The following CYSLTR2 variants were observed in gnomAD, a reference collection of about 807,000 sequenced individuals.
The protein encoded by CYSLTR2 is G-protein coupled receptor GPCR21.
For synonymous variants in CYSLTR2, 179 were observed against 160.8 expected, an observed-to-expected ratio of 1.11 and a Z score of -0.86; for missense variants, 398 against 411.9, an observed-to-expected ratio of 0.97 and a Z score of 0.29.
At chr13:48,663,393 G>C (rs1953179055) in intron 1 of CYSLTR2, among the ~76,000 whole-genome samples, 1 of 152,102 alleles carries the variant, frequency 6.6e-6, no homozygotes, top group African/African-American at 2.4e-5. Context: ...TGGGTATTTT[G>C]ATAGGAATTG....
At chr13:48,673,554 A>G (rs984264168) in intron 1 of CYSLTR2, among the ~76,000 whole-genome samples, 1 of 146,834 alleles carries the variant, frequency 6.8e-6, no homozygotes, top group South Asian at 2.2e-4. Flanking sequence ...ACAGCACCCC[A>G]ATGGGTCTTG....
chr13:48,659,534 G>A (rs1953077859), intron 1 of CYSLTR2, among the ~76,000 whole-genome samples: 1 of 152,200 alleles, frequency 6.6e-6, no homozygotes. Flanking sequence ...AATGGAATAT[G>A]AAATGCTGTC....
At chr13:48,700,263 A>G (rs1954304431) in intron 4 of CYSLTR2, among the ~76,000 whole-genome samples, 2 of 152,244 alleles carry the variant, frequency 1.3e-5, no homozygotes, top group South Asian at 4.1e-4. Flanking sequence ...TGATGCAAAA[A>G]TCCTAAATAA....
chr13:48,680,800 C>CTTTTTTTTTTTTTTTTTTTTTT (rs139896583), intron 1 of CYSLTR2, among the ~76,000 whole-genome samples: 10 of 55,046 alleles, frequency 1.8e-4, no homozygotes, highest in Non-Finnish European at 2.1e-4. Flanking sequence ...CTTTTCTTTT[C>CTTTTTTTTTTTTTTTTTTTTTT]TTTTTTTTTT....
At chr13:48,678,816 C>G (rs1953670726) in intron 1 of CYSLTR2, among the ~76,000 whole-genome samples, 1 of 152,128 alleles carries the variant, frequency 6.6e-6, no homozygotes, top group Middle Eastern at 3.2e-3. Context: ...AGTCCATCCA[C>G]AGTCTGGTCA....
intron 3 of CYSLTR2, among the ~76,000 whole-genome samples, chr13:48,695,231 C>T (rs751035901): frequency 1.3e-4 from 20 of 151,554 alleles, no homozygotes; most frequent in African/African-American, 2.4e-4. Context: ...TGCGCCACCA[C>T]GCCCAGCTAA....
intron 1 of CYSLTR2, among the ~76,000 whole-genome samples, chr13:48,671,582 T>A (rs1378311839): frequency 1.3e-5 from 2 of 152,232 alleles, no homozygotes; most frequent in Admixed American, 6.5e-5. Flanking sequence ...ATTATGTTTA[T>A]TGATTTGCGT....
chr13:48,680,795 C>CTT (rs1268529678), intron 1 of CYSLTR2, among the ~76,000 whole-genome samples: 103 of 110,604 alleles, frequency 9.3e-4, no homozygotes, highest in African/African-American at 4.0e-3. Flanking sequence ...CTTTTCTTTT[C>CTT]TTTTCTTTTT....
chr13:48,690,859 T>C (rs1247819460), intron 1 of CYSLTR2, among the ~76,000 whole-genome samples: 1 of 152,004 alleles, frequency 6.6e-6, no homozygotes, highest in African/African-American at 2.4e-5. Context: ...CTCTGGTAGA[T>C]ATCGGCTGTG....
chr13:48,681,060 A>G (rs903542718), intron 1 of CYSLTR2, among the ~76,000 whole-genome samples: 1 of 152,008 alleles, frequency 6.6e-6, no homozygotes. Flanking sequence ...CTCAGTATCA[A>G]TGCCTCTGGC....
chr13:48,700,593 T>C (rs1954314646), intron 4 of CYSLTR2, among the ~76,000 whole-genome samples: 1 of 152,176 alleles, frequency 6.6e-6, no homozygotes, highest in Admixed American at 6.5e-5. Flanking sequence ...AGCATTCCCT[T>C]TGAAAACTGG....
At chr13:48,675,577 G>T (rs1434676109) in intron 1 of CYSLTR2, among the ~76,000 whole-genome samples, 1 of 148,050 alleles carries the variant, frequency 6.8e-6, no homozygotes, top group African/African-American at 2.6e-5. Context: ...AGCTTGCTGG[G>T]CTTTGTGGGG....
chr13:48,657,630 T>C (rs1953030009), intron 1 of CYSLTR2, among the ~76,000 whole-genome samples: 1 of 151,884 alleles, frequency 6.6e-6, no homozygotes, highest in Non-Finnish European at 1.5e-5. Flanking sequence ...CCACCATTAT[T>C]ACCTACATTG....
intron 1 of CYSLTR2, among the ~76,000 whole-genome samples, chr13:48,655,597 A>C (rs1205655587): frequency 6.6e-6 from 1 of 152,186 alleles, no homozygotes; most frequent in Admixed American, 6.5e-5. Context: ...ATGTTAATCT[A>C]ATTTCTTCTT....
intron 1 of CYSLTR2, among the ~76,000 whole-genome samples, chr13:48,679,016 C>A (rs1953676442): frequency 1.3e-5 from 2 of 152,158 alleles, no homozygotes; most frequent in South Asian, 4.1e-4. Flanking sequence ...CTCTCACTGC[C>A]CTCAGGATGA....
rs1034365304 is a variant in CYSLTR2 at position 48,710,730 on chromosome 13, T to C, written c.*2872T>C. The stretch of plus-strand genomic sequence containing the variant: ...CCACGGTGTGTGATAAACACTTAGT[T>C]AAGATGAAAAGGTATTAAATTTGTG... On this transcript the variant is annotated 3_prime_UTR_variant, in exon 5 of 5. Transcript: ENST00000682523. 2 of 152,154 alleles carry C rather than the reference T, an allele frequency of 1.3e-5. No individual in the cohort carries two copies. The highest frequency in any genetic ancestry group is 2.9e-5 in the Non-Finnish European group (2 of 68,026). 9.4% of individuals were successfully genotyped at this position (152,154 alleles called of 1,614,324 possible).
intron 4 of CYSLTR2, among the ~76,000 whole-genome samples, chr13:48,701,291 A>G (rs1954339413): frequency 6.6e-6 from 1 of 152,230 alleles, no homozygotes; most frequent in African/African-American, 2.4e-5. Context: ...AGAGATATAG[A>G]CCAATGGAAC....
At chr13:48,705,768 A>C (rs971118602) in intron 4 of CYSLTR2, among the ~76,000 whole-genome samples, 1 of 151,026 alleles carries the variant, frequency 6.6e-6, no homozygotes, top group Non-Finnish European at 1.5e-5. Flanking sequence ...ATTCCTCTAC[A>C]TCCATTTAAA....
At chr13:48,688,806 G>C (rs1157055742) in intron 1 of CYSLTR2, among the ~76,000 whole-genome samples, 1 of 152,058 alleles carries the variant, frequency 6.6e-6, no homozygotes, top group Non-Finnish European at 1.5e-5. Flanking sequence ...AGGTATTTCT[G>C]GTTCTAAATC....
Sources: allele counts gnomAD v4.1 joint callset (sites outside exome capture counted in the v4.1 genomes callset), GRCh38; gene constraint gnomAD v4.1.1; transcripts MANE v1.5; gene names NCBI Gene and HGNC (gene_info 2026-07-23, HGNC 2026-07-21).